NLRC5: variants seen among roughly 807,000 people sequenced by gnomAD.
NLRC5 encodes protein NLRC5.
A neutral mutation model predicts 206.9 loss-of-function variants in NLRC5; 114 were observed. The ratio of observed to expected loss-of-function variants is 0.55; its 90% confidence interval spans 0.47 to 0.64. The LOEUF is 0.64. Among genes scored for constraint, NLRC5 ranks in the 30% least tolerant of loss-of-function variants. The probability of loss-of-function intolerance (pLI) is 0.00; values close to 1 mark genes in which losing one functional copy is unlikely to be tolerated. For synonymous variants in NLRC5, 952 were observed against 962.8 expected (o/e 0.99, Z 0.21); for missense variants, 2,008 against 2,305.5 (o/e 0.87, Z 2.64).
Position 57,074,630 on chromosome 16 carries a change from C to T in NLRC5, c.4698C>T (p.Thr1566=), listed in dbSNP as rs151163977. ...GTCACCTTCTGCTGAACAGCTCCAC[C>T]TTGGCCTTGCTTACTCACAGACTAA... ...DLSHLLLNSS[T]LALLTHRLSQ... Residue 1566 remains threonine (T), a synonymous_variant, in exon 39 of 49, where the codon ACC becomes ACT. Transcript: ENST00000688547. 3.7e-6 allele frequency: 6 copies of T among 1,614,034 alleles called. No individual in the cohort carries two copies. The highest frequency in any genetic ancestry group is 5.1e-6 in the Non-Finnish European group (6 of 1,179,898).
rs2069148844 is a variant in NLRC5, at chr16:57,081,551, T to C, written c.5430T>C (p.Ala1810=). 1.7e-5 allele frequency: 28 copies of C among 1,614,034 alleles called. No homozygotes were observed. In the East Asian group the frequency reaches 4.7e-4, roughly 27 times the overall value. The change falls in exon 48 of 49, where the codon GCT becomes GCC. Residue 1810 remains alanine, a synonymous_variant. Coordinates refer to ENST00000688547, the MANE Select transcript of NLRC5 (RefSeq NM_001384950.1). ...RVDLEKNQIT[A]LGAWLLAEGL... ...GCCTGGAGAAGAATCAGATCACAGC[T>C]TTGGGGGCCTGGCTCCTGGCTGAAG...
In NLRC5 at chr16:57,079,555, C is replaced by T; in HGVS notation, c.5247C>T (p.Ser1749=). The T allele has an allele frequency of 1.9e-6, 3 of 1,614,100 alleles. No individual in the cohort carries two copies. The highest frequency in any genetic ancestry group is 2.5e-6 in the Non-Finnish European group (3 of 1,179,988). The change falls in exon 46 of 49, where the codon TCC becomes TCT. Residue 1749 remains serine, a synonymous_variant. Transcript: ENST00000688547. ...CCTTCTCCATCCCCAGCCTGGTTTC[C>T]TGTAAGATTGACAACCAGACTGCCA... The part of the protein sequence containing the change: ...LPLLRQIDLV[S]CKIDNQTAKL...
intron 38 of NLRC5, among the ~76,000 whole-genome samples, chr16:57,073,031 C>T (rs535892238): frequency 2.4e-4 from 36 of 152,278 alleles, no homozygotes; most frequent in Middle Eastern, 3.4e-3. Context: ...ACCTGCATCT[C>T]GGCTCAGCCT....
intron 37 of NLRC5, 95 bp from the exon 38 acceptor site, chr16:57,070,440 C>T: frequency 9.0e-7 from 1 of 1,115,406 alleles, no homozygotes; most frequent in Non-Finnish European, 1.3e-6. Flanking sequence ...GTTGGCCTCC[C>T]AGGGGACAGA....
intron 23 of NLRC5, among the ~76,000 whole-genome samples, 183 bp from the exon 24 acceptor site, chr16:57,051,355 C>T (rs1376159567): frequency 6.6e-6 from 1 of 152,236 alleles, no homozygotes; most frequent in African/African-American, 2.4e-5. Flanking sequence ...CCCCGTATTT[C>T]CCAAACTTAA....
intron 1 of NLRC5, among the ~76,000 whole-genome samples, chr16:57,005,779 G>A (rs372221728): frequency 6.6e-6 from 1 of 151,916 alleles, no homozygotes; most frequent in Non-Finnish European, 1.5e-5. Flanking sequence ...AATTAGCTAG[G>A]TGTGGTGGTG....
intron 20 of NLRC5, chr16:57,043,814 A>G: frequency 1.7e-6 from 1 of 593,672 alleles, no homozygotes; most frequent in Middle Eastern, 4.5e-4. Flanking sequence ...GGATGCTCAA[A>G]TTTCTCCAAA....
In NLRC5 at chr16:57,025,709, C is replaced by T. The variant is rs1219530284; in HGVS notation, c.766C>T (p.Leu256=). The T allele has an allele frequency of 6.2e-7, 1 of 1,614,242 alleles. No homozygotes were observed. Among genetic ancestry groups the T allele is most frequent in the Non-Finnish European group, 8.5e-7 (1 of 1,180,028 alleles). Residue 256 remains leucine (L), a synonymous_variant, in exon 6 of 49, where the codon CTG becomes TTG. Transcript: ENST00000688547. ...AEGHLNCFQA[L]FLFEFRQLNL... Reference sequence around the variant, plus strand: ...GGGCCATCTGAACTGTTTCCAGGCCCTGTTCCTTTTTGAATTCCGCCAGCT... The same window carrying T: ...GGGCCATCTGAACTGTTTCCAGGCCTTGTTCCTTTTTGAATTCCGCCAGCT...
At chr16:57,029,677 C>G in intron 8 of NLRC5, 96 bp from the exon 9 acceptor site, 1 of 971,170 alleles carries the variant, frequency 1.0e-6, no homozygotes, top group Non-Finnish European at 1.6e-6. Flanking sequence ...TGTCTTATGT[C>G]TCCCACATGA....
chr16:57,080,962 A>G lies in NLRC5; in HGVS notation c.5322-136A>G, dbSNP rs556740780. On this transcript the variant is annotated intron_variant, in intron 46 of 48. Coordinates refer to ENST00000688547, the MANE Select transcript of NLRC5 (RefSeq NM_001384950.1). ...TGACGTCTTCAGGGGAGGACACACA[A>G]GCACCCTATCAGGTGGCCTCTCTTG... 2.4e-5 allele frequency: 16 copies of G among 680,026 alleles called. No homozygotes were observed. The East Asian group carries it at 3.3e-4, about 14-fold the overall frequency. 42.1% of individuals were successfully genotyped at this position (680,026 alleles called of 1,614,324 possible).
At chr16:57,066,732 C>T in intron 34 of NLRC5, 118 bp downstream of exon 34, 1 of 925,946 alleles carries the variant, frequency 1.1e-6, no homozygotes, top group Middle Eastern at 2.1e-4. Context: ...AGTCTTTACA[C>T]AGGCTACAGA....
intron 43 of NLRC5, among the ~76,000 whole-genome samples, chr16:57,078,683 C>A (rs2068749066): frequency 6.6e-6 from 1 of 151,978 alleles, no homozygotes; most frequent in Admixed American, 6.6e-5. Flanking sequence ...ATTGCCCAGG[C>A]TGGTCTTGGA....
chr16:57,041,410 TG>T (rs1301497383), intron 17 of NLRC5, 74 bp from the exon 18 acceptor site: 16 of 1,243,970 alleles, frequency 1.3e-5, no homozygotes, highest in Admixed American at 1.8e-5. Flanking sequence ...CCTCTGTGTC[TG>T]GGGGGTGGGA....
At chr16:57,078,959 G>C (rs988791774) in intron 43 of NLRC5, 91 bp from the exon 44 acceptor site, 2 of 1,131,362 alleles carry the variant, frequency 1.8e-6, no homozygotes, top group Non-Finnish European at 2.6e-6. Context: ...GACTGTCTAC[G>C]GGCTGGCACT....
chr16:57,058,631 G>C (rs1251439313), intron 28 of NLRC5: 1 of 365,182 alleles, frequency 2.7e-6, no homozygotes, highest in African/African-American at 2.0e-5. Flanking sequence ...GCCAGCTCCA[G>C]GACACCACTT....
Position 57,013,895 on chromosome 16 carries a change from G to A in NLRC5, c.-127-3179G>A, listed in dbSNP as rs1320160415. The stretch of plus-strand genomic sequence containing the variant: ...ACACTATTTTATGATATCATATGCA[G>A]ATTCTACAAAATGCGGCTGGTTTTC... On this transcript the variant is annotated intron_variant, in intron 1 of 48. Transcript: ENST00000688547. 4 of 565,150 alleles carry A rather than the reference G, an allele frequency of 7.1e-6. No individual in the cohort carries two copies. In the East Asian group the frequency reaches 1.0e-4, roughly 15 times the overall value. 35.0% of individuals were successfully genotyped at this position (565,150 alleles called of 1,614,324 possible).
rs370212518 is a variant in NLRC5 at position 57,067,367 on chromosome 16, G to A, written c.4323-20G>A. On this transcript the variant is annotated intron_variant, in intron 34 of 48. Transcript: ENST00000688547. ...CTGGACTAGATGTTCCAAAACTGTCGTCTCCCTGTCTGTGTCCAGGTTGGC... is the reference window on the plus strand; with the variant it reads ...CTGGACTAGATGTTCCAAAACTGTCATCTCCCTGTCTGTGTCCAGGTTGGC... 4.5e-5 allele frequency: 72 copies of A among 1,610,668 alleles called. No individual in the cohort carries two copies. Among genetic ancestry groups the A allele is most frequent in the Middle Eastern group, 1.6e-4 (1 of 6,072 alleles).
At chr16:57,044,974 G>A (rs1597334720) in intron 20 of NLRC5, among the ~76,000 whole-genome samples, 1 of 151,912 alleles carries the variant, frequency 6.6e-6, no homozygotes, top group East Asian at 1.9e-4. Flanking sequence ...GGAGGCTAAG[G>A]CAGGAGGATC....
chr16:56,998,677 A>T (rs1338089162), intron 1 of NLRC5, among the ~76,000 whole-genome samples: 2 of 152,242 alleles, frequency 1.3e-5, no homozygotes, highest in African/African-American at 4.8e-5. Flanking sequence ...ACCTGTGGGA[A>T]GAAACAGTAT....
Sources: gnomAD v4.1 joint callset for allele counts (sites outside exome capture counted in the v4.1 genomes callset) on GRCh38, gnomAD v4.1.1 for gene constraint, MANE v1.5 for transcripts, NCBI Gene and HGNC (gene_info 2026-07-23, HGNC 2026-07-21) for gene names.